Variants in FOXP1 observed in about 807,000 individuals in gnomAD.
The protein encoded by FOXP1 is forkhead box P1.
In FOXP1, 15 loss-of-function variants were observed where a neutral mutation model predicts 98.2. That is an observed-to-expected ratio of 0.15 (90% CI 0.10 to 0.24). The LOEUF (loss-of-function observed/expected upper bound fraction) is 0.24. Among genes scored for constraint, FOXP1 ranks in the 10% least tolerant of loss-of-function variants. FOXP1 has a pLI of 1.00. For missense variants in FOXP1, 633 were observed against 848.5 expected, an observed-to-expected ratio of 0.75 and a Z score of 3.15; for synonymous variants, 371 against 314.5, an observed-to-expected ratio of 1.18 and a Z score of -1.90.
intron 11 of FOXP1, among the ~76,000 whole-genome samples, chr3:71,035,983 AG>A (rs1407172104): frequency 2.6e-5 from 4 of 152,218 alleles, no homozygotes; most frequent in Non-Finnish European, 4.4e-5. Context: ...AGTTTAAAAA[AG>A]AAAAAAAAAT....
In FOXP1 at chr3:71,250,879, C is replaced by T. The variant is rs147970789; in HGVS notation, c.-12+48941G>A. Among the ~76,000 whole-genome samples, 646 of 151,756 alleles carry T rather than the reference C, an allele frequency of 4.3e-3. 7 individuals carry two copies. Among genetic ancestry groups the T allele is most frequent in the African/African-American group, 0.015 (618 of 41,346 alleles). On this transcript the variant is annotated intron_variant, in intron 5 of 20. Coordinates refer to ENST00000649528, the MANE Select transcript of FOXP1 (RefSeq NM_001349338.3). ...CCAGGAGGCGGAGGTTGCAGTGAGC[C>T]GAAACTGCGCCACTGCACTCCAGCT...
At chr3:71,232,695 T>G (rs1000059880) in intron 5 of FOXP1, among the ~76,000 whole-genome samples, 1 of 151,552 alleles carries the variant, frequency 6.6e-6, no homozygotes, top group Non-Finnish European at 1.5e-5. Flanking sequence ...GTTCAGGAGT[T>G]CGAGACCAGT....
intron 2 of FOXP1, among the ~76,000 whole-genome samples, chr3:71,513,281 T>C (rs1265699615): frequency 6.6e-6 from 1 of 152,162 alleles, no homozygotes; most frequent in Admixed American, 6.5e-5. Flanking sequence ...TTCCCAATCA[T>C]AGTCCACGGC....
intron 4 of FOXP1, among the ~76,000 whole-genome samples, chr3:71,313,174 C>G (rs936355830): frequency 1.7e-4 from 25 of 150,924 alleles, no homozygotes; most frequent in Admixed American, 3.3e-4. Context: ...ATTCTCCTGC[C>G]TCAGCCTCCC....
chr3:71,534,727 T>C (rs542099391), intron 2 of FOXP1, among the ~76,000 whole-genome samples: 1 of 152,214 alleles, frequency 6.6e-6, no homozygotes, highest in African/African-American at 2.4e-5. Context: ...GGTGACTCTA[T>C]GCAGACCCTG....
At chr3:71,056,223 T>C (rs1364513604) in intron 7 of FOXP1, among the ~76,000 whole-genome samples, 1 of 152,198 alleles carries the variant, frequency 6.6e-6, no homozygotes, top group Non-Finnish European at 1.5e-5. Flanking sequence ...TAAAATACTT[T>C]TTCCCCTTAA....
Position 71,164,866 on chromosome 3 carries a change from C to T in FOXP1, c.180+33336G>A, listed in dbSNP as rs138613181. Among the ~76,000 whole-genome samples, 107 of 152,338 alleles carry T rather than the reference C, an allele frequency of 7.0e-4. 1 individual carries two copies. Among genetic ancestry groups the T allele is most frequent in the African/African-American group, 2.5e-3 (103 of 41,588 alleles). ...AAATCCAATGTCCCCCCTCTTCCTA[C>T]ATTCCAGCGCATTATACTTGAAATT... On this transcript the variant is annotated intron_variant, in intron 6 of 20. Coordinates refer to ENST00000649528, the MANE Select transcript of FOXP1 (RefSeq NM_001349338.3).
chr3:71,098,577 CAACTGTG>C (rs1295065070), intron 7 of FOXP1, among the ~76,000 whole-genome samples: 1 of 152,152 alleles, frequency 6.6e-6, no homozygotes, highest in East Asian at 1.9e-4. Flanking sequence ...GAAGCCTCTT[CAACTGTG>C]AACCAGTATC....
At chr3:71,516,435 A>G (rs567272298) in intron 2 of FOXP1, among the ~76,000 whole-genome samples, 1 of 152,360 alleles carries the variant, frequency 6.6e-6, no homozygotes, top group African/African-American at 2.4e-5. Context: ...ATCTGTGTTA[A>G]GTTTGCAATT....
intron 6 of FOXP1, among the ~76,000 whole-genome samples, chr3:71,184,968 G>A (rs895238841): frequency 3.3e-5 from 5 of 152,038 alleles, no homozygotes; most frequent in African/African-American, 7.2e-5. Flanking sequence ...CAAGGCAGGC[G>A]GATCACCTGA....
At chr3:71,133,452 T>A (rs1402617738) in intron 6 of FOXP1, among the ~76,000 whole-genome samples, 2 of 152,220 alleles carry the variant, frequency 1.3e-5, no homozygotes, top group Admixed American at 1.3e-4. Flanking sequence ...GACTTGAATG[T>A]CACCATAGAC....
At chr3:71,382,053 C>A (rs1292585972) in intron 3 of FOXP1, among the ~76,000 whole-genome samples, 2 of 152,170 alleles carry the variant, frequency 1.3e-5, no homozygotes, top group African/African-American at 4.8e-5. Context: ...AGGCGAGTTT[C>A]TTGAGTCCAA....
At chr3:71,445,084 G>A (rs1421953876) in intron 3 of FOXP1, among the ~76,000 whole-genome samples, 1 of 152,148 alleles carries the variant, frequency 6.6e-6, no homozygotes, top group Non-Finnish European at 1.5e-5. Context: ...TGGCAGGCAT[G>A]ACATAAATAG....
At chr3:71,234,134 G>T (rs554089657) in intron 5 of FOXP1, among the ~76,000 whole-genome samples, 2 of 149,054 alleles carry the variant, frequency 1.3e-5, no homozygotes, top group Non-Finnish European at 3.0e-5. Flanking sequence ...CATTAAAATC[G>T]CTTTTACATG....
At chr3:71,228,788 C>T (rs555001086) in intron 5 of FOXP1, among the ~76,000 whole-genome samples, 1 of 152,242 alleles carries the variant, frequency 6.6e-6, no homozygotes, top group African/African-American at 2.4e-5. Flanking sequence ...TAGTGACTAA[C>T]AGAGAAAATT....
At chr3:71,155,751 C>T (rs1166444501) in intron 6 of FOXP1, among the ~76,000 whole-genome samples, 2 of 152,216 alleles carry the variant, frequency 1.3e-5, no homozygotes, top group African/African-American at 2.4e-5. Context: ...AGACTTGATA[C>T]GCTCACTTCT....
chr3:71,409,647 C>CA (rs2082587329), intron 3 of FOXP1, among the ~76,000 whole-genome samples: 1 of 151,188 alleles, frequency 6.6e-6, no homozygotes, highest in Non-Finnish European at 1.5e-5. Context: ...AAATTTAAAA[C>CA]AAAAAACCTG....
chr3:71,518,648 G>A lies in FOXP1; in HGVS notation c.-297-25093C>T, dbSNP rs142477075. ...GAAAACACATGCAGAAGATGGTGGCGCCATAAAATGTAAGAACAAAGGGTG... is the reference window on the plus strand; with the variant it reads ...GAAAACACATGCAGAAGATGGTGGCACCATAAAATGTAAGAACAAAGGGTG... On this transcript the variant is annotated intron_variant, in intron 2 of 20. Transcript: ENST00000649528. Among the ~76,000 whole-genome samples the A allele has an allele frequency of 4.8e-3, 727 of 152,236 alleles. 4 individuals are homozygous for A. Among genetic ancestry groups the A allele is most frequent in the Non-Finnish European group, 7.4e-3 (506 of 68,010 alleles).
intron 3 of FOXP1, among the ~76,000 whole-genome samples, chr3:71,370,232 T>G (rs188629524): frequency 1.3e-5 from 2 of 151,306 alleles, no homozygotes; most frequent in Non-Finnish European, 2.9e-5. Context: ...CAGGGCCAAA[T>G]AGATTGAGTA....
Sources: allele counts gnomAD v4.1 joint callset (sites outside exome capture counted in the v4.1 genomes callset), GRCh38; gene constraint gnomAD v4.1.1; transcripts MANE v1.5; gene names NCBI Gene and HGNC (gene_info 2026-07-23, HGNC 2026-07-21).